SORL1: variants seen among roughly 807,000 people sequenced by gnomAD.
SORL1 encodes the protein sortilin-related receptor.
SORL1 carries 127 observed loss-of-function variants against 273.7 expected under a neutral mutation model. The ratio of observed to expected loss-of-function variants is 0.46; its 90% CI spans 0.40 to 0.54. The LOEUF (loss-of-function observed/expected upper bound fraction) is 0.54, where lower values mean the gene tolerates loss of function less well. SORL1 is among the 20% of genes least tolerant of loss of function. The pLI, the probability that SORL1 is intolerant of heterozygous loss-of-function variation, is 0.00. For synonymous variants in SORL1, 1,031 were observed against 1,067.4 expected, an observed-to-expected ratio of 0.97 and a Z score of 0.66; for missense variants, 2,494 against 2,846.1, an observed-to-expected ratio of 0.88 and a Z score of 2.81.
chr11:121,496,491 A>G (rs1405255847), intron 5 of SORL1, among the ~76,000 whole-genome samples: 2 of 152,118 alleles, frequency 1.3e-5, no homozygotes, highest in Non-Finnish European at 2.9e-5. Flanking sequence ...ACCTTGGGAA[A>G]ACTCTCCTTC....
intron 21 of SORL1, among the ~76,000 whole-genome samples, chr11:121,565,643 A>G (rs1862744243): frequency 6.6e-6 from 1 of 152,102 alleles, no homozygotes; most frequent in African/African-American, 2.4e-5. Context: ...CATTTTTCCC[A>G]TTTTCATGAT....
In SORL1 at chr11:121,619,803, G is replaced by A. The variant is rs1370326418; in HGVS notation, c.5775G>A (p.Val1925=). 4.8e-5 allele frequency: 78 copies of A among 1,614,040 alleles called. No individual in the cohort carries two copies. In the Admixed American group the frequency reaches 1.3e-3, roughly 26 times the overall value. The change falls in exon 43 of 48, where the codon GTG becomes GTA. Residue 1925 remains valine, a synonymous_variant. Transcript: ENST00000260197. ...GGCCATCCTCTGACTACGTTGTAGT[G>A]AAGATGATCCCGGACAGCAGGCTTC... ...YQGPSSDYVV[V]KMIPDSRLPP...
chr11:121,613,232 A>C (rs1433697071), intron 40 of SORL1, among the ~76,000 whole-genome samples: 2 of 152,238 alleles, frequency 1.3e-5, no homozygotes, highest in African/African-American at 2.4e-5. Flanking sequence ...AGAAGGCCTT[A>C]TGCATAACTG....
At chr11:121,590,972 T>G in intron 30 of SORL1, 29 bp from the exon 31 acceptor site, 2 of 1,614,118 alleles carry the variant, frequency 1.2e-6, no homozygotes, top group Non-Finnish European at 1.7e-6. Flanking sequence ...TCTAATGTTT[T>G]GGGTTTCCGT....
intron 45 of SORL1, among the ~76,000 whole-genome samples, 158 bp from the exon 46 acceptor site, chr11:121,624,927 T>C (rs1022718498): frequency 6.6e-5 from 10 of 152,200 alleles, no homozygotes; most frequent in Admixed American, 2.0e-4. Context: ...CTGAATCCAG[T>C]ATCTCAGTGG....
chr11:121,612,949 G>A lies in SORL1; in HGVS notation c.5419+117G>A, dbSNP rs1863588665. On this transcript the variant is annotated intron_variant, in intron 40 of 47. Coordinates refer to ENST00000260197, the MANE Select transcript of SORL1 (RefSeq NM_003105.6). The stretch of plus-strand genomic sequence containing the variant: ...GAAGGGGAGGTATTCTCTGGAAGCT[G>A]TTCTGTGTTGACAGGTTCTTGTGCA... The A allele has an allele frequency of 3.1e-5, 21 of 681,390 alleles. No homozygotes were observed. In the South Asian group the frequency reaches 3.6e-4, roughly 12 times the overall value. The allele number at this position is 681,390 out of a possible 1,614,324, so 42.2% of individuals were successfully genotyped here.
chr11:121,518,390 G>C (rs1264992555), intron 8 of SORL1, among the ~76,000 whole-genome samples: 1 of 152,194 alleles, frequency 6.6e-6, no homozygotes, highest in Non-Finnish European at 1.5e-5. Flanking sequence ...GATGGGCTGG[G>C]ACTTCTGGTG....
At chr11:121,531,156 G>T (rs763601118) in intron 11 of SORL1, among the ~76,000 whole-genome samples, 22 of 152,280 alleles carry the variant, frequency 1.4e-4, no homozygotes, top group Non-Finnish European at 2.1e-4. Flanking sequence ...ACTTTGGGAG[G>T]CCGAGGCAGG....
In SORL1 at chr11:121,559,136, T is replaced by C. The variant is rs144437431; in HGVS notation, c.2910+299T>C. On this transcript the variant is annotated intron_variant, in intron 20 of 47. Coordinates refer to ENST00000260197, the MANE Select transcript of SORL1 (RefSeq NM_003105.6). ...CATTTCAGGGTGGTGTCTTCATTTT[T>C]TGTGCGCTTTGCTCACTTTATTCTC... Among the ~76,000 whole-genome samples, 10 of 152,310 alleles carry C rather than the reference T, an allele frequency of 6.6e-5. No individual in the cohort carries two copies. In the East Asian group the frequency reaches 1.9e-3, roughly 29 times the overall value.
chr11:121,554,171 C>G lies in SORL1; in HGVS notation c.2439+62C>G. 1 of 1,474,700 alleles carries G rather than the reference C, an allele frequency of 6.8e-7. No homozygotes were observed. The allele number at this position is 1,474,700 out of a possible 1,614,324, so 91.4% of individuals were successfully genotyped here. On this transcript the variant is annotated intron_variant, in intron 17 of 47. Coordinates refer to ENST00000260197, the MANE Select transcript of SORL1 (RefSeq NM_003105.6). The surrounding 1 kb of genome is among the most constrained non-coding windows in gnomAD (Gnocchi z 4.6). ...ATCGTGACTGCCCTGTCCTGATAAG[C>G]TGCATGCAGAATGGCCTATGGAAAT... is the stretch of plus-strand genomic sequence containing the variant.
chr11:121,556,175 A>T (rs1258745444), intron 18 of SORL1, among the ~76,000 whole-genome samples: 1 of 152,210 alleles, frequency 6.6e-6, no homozygotes, highest in Non-Finnish European at 1.5e-5. Flanking sequence ...TGCATGATAC[A>T]TGTGGTTTAG....
Position 121,558,678 on chromosome 11 carries a change from T to G in SORL1, c.2751T>G (p.Ser917=), listed in dbSNP as rs1862628904. The part of the protein sequence containing the change: ...MDGSAAYHLV[S]EDVKWPNGIS... Reference sequence around the variant, plus strand: ...GTTCTGCTGCCTATCACCTGGTGTCTGAGGATGTGAAGTGGCCCAATGGCA... The same window carrying G: ...GTTCTGCTGCCTATCACCTGGTGTCGGAGGATGTGAAGTGGCCCAATGGCA... Residue 917 remains serine, a synonymous_variant, in exon 20 of 48, where the codon TCT becomes TCG. Coordinates refer to ENST00000260197, the MANE Select transcript of SORL1 (RefSeq NM_003105.6). 2 of 1,613,896 alleles carry G rather than the reference T, an allele frequency of 1.2e-6. No homozygotes were observed.
At chr11:121,494,633 G>C (rs992678417) in intron 5 of SORL1, among the ~76,000 whole-genome samples, 4 of 152,224 alleles carry the variant, frequency 2.6e-5, no homozygotes, top group Admixed American at 2.6e-4. Context: ...GGAAGTCTAA[G>C]TGATTGCAAA....
intron 2 of SORL1, among the ~76,000 whole-genome samples, chr11:121,473,665 C>T (rs541847585): frequency 1.3e-5 from 2 of 152,212 alleles, no homozygotes; most frequent in African/African-American, 2.4e-5. Context: ...AAGGCCGAGG[C>T]GGGTGGATCA....
intron 21 of SORL1, among the ~76,000 whole-genome samples, chr11:121,564,740 G>C (rs977769903): frequency 4.7e-5 from 7 of 150,412 alleles, no homozygotes; most frequent in African/African-American, 1.7e-4. Flanking sequence ...GGCTAATTTT[G>C]CTTATTTTTT....
intron 2 of SORL1, among the ~76,000 whole-genome samples, chr11:121,474,040 AGGGAGGCCGATGTCT>A (rs1447482486): frequency 6.6e-6 from 1 of 152,198 alleles, no homozygotes; most frequent in East Asian, 1.9e-4. Flanking sequence ...TTGCTAACAG[AGGGAGGCCGATGTCT>A]GGCTGAGCAC....
In SORL1 at chr11:121,633,567, G is replaced by A. The variant is rs767227397; in HGVS notation, c.*4004G>A. Reference sequence around the variant, plus strand: ...TTCAATTGCCTCGATAAGTTTCCAAGTCACTGAAATCTGCTGAAGGTTTTA... The same window carrying A: ...TTCAATTGCCTCGATAAGTTTCCAAATCACTGAAATCTGCTGAAGGTTTTA... On this transcript the variant is annotated 3_prime_UTR_variant, in exon 48 of 48. Transcript: ENST00000260197. 3.9e-5 allele frequency: 6 copies of A among 152,200 alleles called. No homozygotes were observed. The highest frequency in any genetic ancestry group is 8.8e-5 in the Non-Finnish European group (6 of 68,032). The allele number at this position is 152,200 out of a possible 1,614,324, so 9.4% of individuals were successfully genotyped here.
chr11:121,613,808 G>A (rs1863601919), intron 40 of SORL1, among the ~76,000 whole-genome samples: 1 of 152,216 alleles, frequency 6.6e-6, no homozygotes, highest in African/African-American at 2.4e-5. Flanking sequence ...CATTGCCTTA[G>A]TGTTGCCCCA....
At chr11:121,614,042 T>C (rs771131449) in intron 40 of SORL1, among the ~76,000 whole-genome samples, 1 of 152,204 alleles carries the variant, frequency 6.6e-6, no homozygotes, top group Non-Finnish European at 1.5e-5. Flanking sequence ...AACCACAAAG[T>C]ATAGAGTCAG....
Sources: gnomAD v4.1 joint callset for allele counts (sites outside exome capture counted in the v4.1 genomes callset) on GRCh38, gnomAD v4.1.1 for gene constraint, Gnocchi (gnomAD v3.1) non-coding constraint, MANE v1.5 for transcripts, NCBI Gene and HGNC (gene_info 2026-07-23, HGNC 2026-07-21) for gene names.